PPP5C: variants seen among roughly 807,000 people sequenced by gnomAD.
PPP5C encodes serine/threonine-protein phosphatase 5.
PPP5C carries 21 observed loss-of-function variants against 66.7 expected under a neutral mutation model. The observed-to-expected ratio is 0.31, with a 90% CI of 0.22 to 0.45. The LOEUF (loss-of-function observed/expected upper bound fraction) is 0.45, where lower values mean the gene tolerates loss of function less well. PPP5C is among the 20% of genes least tolerant of loss of function. The pLI, the probability that PPP5C is intolerant of heterozygous loss-of-function variation, is 1.00. For missense variants in PPP5C, 464 were observed against 675.9 expected, an observed-to-expected ratio of 0.69 and a Z score of 3.48; for synonymous variants, 246 against 257.4, an observed-to-expected ratio of 0.96 and a Z score of 0.43.
chr19:46,347,179 C>A lies in PPP5C; in HGVS notation c.83C>A (p.Ala28Glu). The A allele has an allele frequency of 6.2e-7, 1 of 1,606,088 alleles. No homozygotes were observed. Among genetic ancestry groups the A allele is most frequent in the South Asian group, 1.1e-5 (1 of 89,690 alleles). Residue 28 changes from alanine to glutamate, a missense_variant, in exon 1 of 13, where the codon GCA (alanine) becomes GAA (glutamate). Ala to Glu is a moderately radical substitution (Grantham distance 107). This residue lies in a region of PPP5C where 77 missense variants were observed against 49.9 expected (regional missense o/e 1.54). Transcript: ENST00000012443. ...EPPADGALKR[A>E]EELKTQANDY... is the part of the protein sequence containing the mutation. ...CCGGCTGATGGAGCTCTGAAGCGGG[C>A]AGAGGAGCTCAAGACTCAGGCCAAT...
chr19:46,377,662 C>T (rs1972719564), intron 4 of PPP5C, among the ~76,000 whole-genome samples: 1 of 152,358 alleles, frequency 6.6e-6, no homozygotes, highest in East Asian at 1.9e-4. Flanking sequence ...TCAGCCCTCA[C>T]TCCCATCCCA....
At chr19:46,352,038 C>T (rs938624336) in intron 1 of PPP5C, among the ~76,000 whole-genome samples, 5 of 152,224 alleles carry the variant, frequency 3.3e-5, no homozygotes, top group African/African-American at 1.2e-4. Flanking sequence ...CCTCATCTCT[C>T]TCTGCATCCC....
At chr19:46,372,732 C>A (rs1972616197) in intron 2 of PPP5C, among the ~76,000 whole-genome samples, 1 of 152,196 alleles carries the variant, frequency 6.6e-6, no homozygotes, top group African/African-American at 2.4e-5. Context: ...TGCAGAAATC[C>A]CAGTTTTCCC....
chr19:46,389,374 C>A (rs1170287551), intron 11 of PPP5C, among the ~76,000 whole-genome samples: 2 of 1,900 alleles, frequency 1.1e-3, no homozygotes, highest in African/African-American at 1.9e-3. Flanking sequence ...CACACACACA[C>A]ACACACACAC....
chr19:46,359,301 A>G (rs541846631), intron 2 of PPP5C, among the ~76,000 whole-genome samples: 6 of 152,312 alleles, frequency 3.9e-5, no homozygotes, highest in African/African-American at 1.2e-4. Flanking sequence ...TCAGAATACC[A>G]TGATTTTCAT....
intron 2 of PPP5C, among the ~76,000 whole-genome samples, chr19:46,365,377 C>G (rs986631398): frequency 6.6e-6 from 1 of 152,118 alleles, no homozygotes; most frequent in Non-Finnish European, 1.5e-5. Flanking sequence ...CTCAGCCTCC[C>G]AAAGTGCTGG....
chr19:46,357,681 A>G (rs1400829662), intron 2 of PPP5C, among the ~76,000 whole-genome samples: 2 of 152,172 alleles, frequency 1.3e-5, no homozygotes, highest in Non-Finnish European at 2.9e-5. Flanking sequence ...TTGCTAGAGA[A>G]CTCCCTCATG....
At position 46,384,860 on chromosome 19, in the gene PPP5C, C is replaced by T; in HGVS notation, c.855C>T (p.Thr285=). Residue 285 remains threonine, a synonymous_variant, in exon 7 of 13, where the codon ACC becomes ACT. Coordinates refer to ENST00000012443, the MANE Select transcript of PPP5C (RefSeq NM_006247.4). ...CCTTCTCTGTAGAAGTGATCCTCAC[C>T]CTTTTCGGCTTCAAGCTCCTGTACC... is the stretch of plus-strand genomic sequence containing the variant. ...RGSFSVEVIL[T]LFGFKLLYPD... 1.2e-6 allele frequency: 2 copies of T among 1,614,152 alleles called. No individual in the cohort carries two copies. Among genetic ancestry groups the T allele is most frequent in the Non-Finnish European group, 1.7e-6 (2 of 1,180,018 alleles).
rs1051995430 is a variant in PPP5C at position 46,347,223 on chromosome 19, C to T, written c.121+6C>T. On this transcript the variant is annotated splice_donor_region_variant and intron_variant, in intron 1 of 12. Coordinates refer to ENST00000012443, the MANE Select transcript of PPP5C (RefSeq NM_006247.4). ...GGCCAATGACTACTTCAAAGGTGCG[C>T]CCGCCTGGCAGGGAGGGTGGACAGT... 1 of 1,601,196 alleles carries T rather than the reference C, an allele frequency of 6.2e-7. No individual in the cohort carries two copies. The highest frequency in any genetic ancestry group is 1.7e-5 in the Admixed American group (1 of 58,622).
At chr19:46,351,332 A>G (rs2147359002) in intron 1 of PPP5C, among the ~76,000 whole-genome samples, 1 of 152,314 alleles carries the variant, frequency 6.6e-6, no homozygotes, top group East Asian at 1.9e-4. Flanking sequence ...AGGATATGGC[A>G]TGTGGGTCGA....
chr19:46,387,944 G>A, intron 9 of PPP5C: 1 of 289,250 alleles, frequency 3.5e-6, no homozygotes, highest in Non-Finnish European at 6.7e-6. Context: ...AGCCTGGCGA[G>A]CATATTCCAG....
At chr19:46,360,788 G>A (rs1179384367) in intron 2 of PPP5C, among the ~76,000 whole-genome samples, 2 of 152,168 alleles carry the variant, frequency 1.3e-5, no homozygotes, top group Non-Finnish European at 2.9e-5. Context: ...TAGCCACCAC[G>A]CCCAGCCCTG....
At chr19:46,378,561 A>G (rs1247848062) in intron 4 of PPP5C, among the ~76,000 whole-genome samples, 1 of 152,190 alleles carries the variant, frequency 6.6e-6, no homozygotes, top group Non-Finnish European at 1.5e-5. Context: ...AAAAGCTCCG[A>G]CTATACTTGT....
chr19:46,384,044 T>C, intron 6 of PPP5C, 166 bp downstream of exon 6: 5 of 636,616 alleles, frequency 7.9e-6, no homozygotes, highest in Non-Finnish European at 1.4e-5. Flanking sequence ...AGGCTGGCCA[T>C]GCACCCCAGG....
chr19:46,353,314 C>T (rs1260795758), intron 1 of PPP5C, among the ~76,000 whole-genome samples: 1 of 152,190 alleles, frequency 6.6e-6, no homozygotes, highest in Non-Finnish European at 1.5e-5. Context: ...AGTGTCCAGA[C>T]CTCACTGTGG....
chr19:46,382,668 C>G, intron 4 of PPP5C: 3 of 387,706 alleles, frequency 7.7e-6, no homozygotes, highest in Non-Finnish European at 1.1e-5. Flanking sequence ...TCCCCTAACC[C>G]ATTTGAAAGT....
intron 7 of PPP5C, chr19:46,386,882 T>C (rs1404270256): frequency 1.4e-5 from 9 of 661,124 alleles, no homozygotes; most frequent in Admixed American, 1.2e-4. Context: ...GTGCTGGAAT[T>C]ATAGGCGTGA....
intron 1 of PPP5C, among the ~76,000 whole-genome samples, chr19:46,348,224 G>A (rs1162580168): frequency 2.0e-5 from 3 of 152,048 alleles, no homozygotes; most frequent in Non-Finnish European, 4.4e-5. Flanking sequence ...GGCTACTTAG[G>A]GGGAGACCAA....
chr19:46,387,020 T>C lies in PPP5C; in HGVS notation c.905-73T>C. 4 of 1,608,006 alleles carry C rather than the reference T, an allele frequency of 2.5e-6. No homozygotes were observed. The East Asian group carries it at 8.9e-5, about 36-fold the overall frequency. ...AGGGACGCATGCACAGTTCTGGGCCTTGAGGGTGCCAGGCTGGAGGACACT... is the reference window on the plus strand; with the variant it reads ...AGGGACGCATGCACAGTTCTGGGCCCTGAGGGTGCCAGGCTGGAGGACACT... On this transcript the variant is annotated intron_variant, in intron 7 of 12. Coordinates refer to ENST00000012443, the MANE Select transcript of PPP5C (RefSeq NM_006247.4).
Sources: allele counts gnomAD v4.1 joint callset (sites outside exome capture counted in the v4.1 genomes callset), GRCh38; gene constraint gnomAD v4.1.1; regional missense constraint gnomAD v4.1.1; transcripts MANE v1.5; gene names NCBI Gene and HGNC (gene_info 2026-07-23, HGNC 2026-07-21).